RHOQ: variants seen among roughly 807,000 people sequenced by gnomAD.
RHOQ encodes the protein rho-related GTP-binding protein RhoQ.
RHOQ carries 7 observed loss-of-function variants against 25.8 expected under a neutral mutation model. That is an observed-to-expected ratio of 0.27 (90% CI 0.15 to 0.51). The LOEUF (loss-of-function observed/expected upper bound fraction) is 0.51. RHOQ is among the 20% of genes least tolerant of loss of function. The pLI is 0.97. For synonymous variants in RHOQ, 97 were observed against 98.6 expected, an observed-to-expected ratio of 0.98 and a Z score of 0.10; for missense variants, 165 against 260.6, an observed-to-expected ratio of 0.63 and a Z score of 2.53.
Position 46,556,943 on chromosome 2 carries a change from A to T in RHOQ, c.201+13131A>T, listed in dbSNP as rs1368976183. ...CTCGTAAGAGATCAGCCTATAAATG[A>T]GGTTGCCAAAGAGTTAATCTACCAT... On this transcript the variant is annotated intron_variant, in intron 2 of 4. Coordinates refer to ENST00000238738, the MANE Select transcript of RHOQ (RefSeq NM_012249.4). The surrounding 1 kb of genome is among the most constrained non-coding windows in gnomAD (Gnocchi z 4.9). 6.6e-6 allele frequency among the ~76,000 whole-genome samples: 1 copy of T among 152,208 alleles called. No homozygotes were observed. The highest frequency in any genetic ancestry group is 2.4e-5 in the African/African-American group (1 of 41,450).
chr2:46,549,875 T>TG (rs1461209866), intron 2 of RHOQ, among the ~76,000 whole-genome samples: 1 of 152,108 alleles, frequency 6.6e-6, no homozygotes, highest in Non-Finnish European at 1.5e-5. Flanking sequence ...TCTACCATGT[T>TG]GCAGTGCTCA....
At chr2:46,575,965 G>A in intron 2 of RHOQ, 122 bp from the exon 3 acceptor site, 1 of 678,410 alleles carries the variant, frequency 1.5e-6, no homozygotes, top group Non-Finnish European at 2.3e-6. Flanking sequence ...TACTTAGAGT[G>A]CCATACATTC....
At chr2:46,565,742 G>A (rs369688845) in intron 2 of RHOQ, among the ~76,000 whole-genome samples, 28 of 152,224 alleles carry the variant, frequency 1.8e-4, no homozygotes, top group African/African-American at 6.3e-4. Context: ...ATGAGCTACC[G>A]TCATTGATTC....
chr2:46,557,239 T>C (rs758580334), intron 2 of RHOQ, among the ~76,000 whole-genome samples: 1 of 152,222 alleles, frequency 6.6e-6, no homozygotes, highest in Non-Finnish European at 1.5e-5. Context: ...AAACATTCAG[T>C]GTACCCAGAG....
chr2:46,560,581 T>C, intron 2 of RHOQ: 1 of 456,262 alleles, frequency 2.2e-6, no homozygotes, highest in Non-Finnish European at 4.4e-6. Context: ...ATCTGGATCC[T>C]GGGGTCACGT....
chr2:46,553,586 T>C (rs1021813984), intron 2 of RHOQ, among the ~76,000 whole-genome samples: 1 of 148,170 alleles, frequency 6.7e-6, no homozygotes, highest in Admixed American at 6.7e-5. Context: ...TTTTCGAACT[T>C]TTTTTTTTTT....
chr2:46,551,006 G>A (rs968765789), intron 2 of RHOQ, among the ~76,000 whole-genome samples: 2 of 152,170 alleles, frequency 1.3e-5, no homozygotes, highest in African/African-American at 2.4e-5. Flanking sequence ...ATCTAGGCTT[G>A]CAGGAAGAGA....
chr2:46,560,230 A>C (rs570557234), intron 2 of RHOQ, among the ~76,000 whole-genome samples: 1 of 152,300 alleles, frequency 6.6e-6, no homozygotes, highest in Non-Finnish European at 1.5e-5. Flanking sequence ...GGGCCTGTTA[A>C]GTAAGTTCCA....
In RHOQ at chr2:46,581,238, T is replaced by C. The variant is rs536547507; in HGVS notation, c.*155T>C. 25 of 993,888 alleles carry C rather than the reference T, an allele frequency of 2.5e-5. No individual in the cohort carries two copies. The Admixed American group carries it at 4.0e-4, about 16-fold the overall frequency. The allele number at this position is 993,888 out of a possible 1,614,324, so 61.6% of individuals were successfully genotyped here. On this transcript the variant is annotated 3_prime_UTR_variant, in exon 5 of 5. Coordinates refer to ENST00000238738, the MANE Select transcript of RHOQ (RefSeq NM_012249.4). ...AGAATTCTATAAAGTGTATTAAGAA[T>C]GTTCCTTAAAGGTTTAAGAAGCAGT...
chr2:46,561,460 G>A (rs1028360807), intron 2 of RHOQ, among the ~76,000 whole-genome samples: 5 of 152,064 alleles, frequency 3.3e-5, no homozygotes, highest in South Asian at 2.1e-4. Context: ...GTCGTTCATC[G>A]GAGAAGCCAT....
rs1422548639 is a variant in RHOQ, at chr2:46,548,193, C to T, written c.201+4381C>T. Among the ~76,000 whole-genome samples, 1 of 152,190 alleles carries T rather than the reference C, an allele frequency of 6.6e-6. No individual in the cohort carries two copies. The highest frequency in any genetic ancestry group is 1.5e-5 in the Non-Finnish European group (1 of 68,034). The stretch of plus-strand genomic sequence containing the variant: ...CTATAAATATCTTTTACTCTGGTGT[C>T]CCTTGGTGTTGCTTTTTCAATGACA... On this transcript the variant is annotated intron_variant, in intron 2 of 4. Coordinates refer to ENST00000238738, the MANE Select transcript of RHOQ (RefSeq NM_012249.4). The surrounding 1 kb of genome is among the most constrained non-coding windows in gnomAD (Gnocchi z 5.2).
At chr2:46,544,685 A>T (rs1163701567) in intron 2 of RHOQ, among the ~76,000 whole-genome samples, 1 of 152,222 alleles carries the variant, frequency 6.6e-6, no homozygotes, top group Non-Finnish European at 1.5e-5. Context: ...AATTTTGTAG[A>T]ATCCAGCACT....
intron 2 of RHOQ, among the ~76,000 whole-genome samples, chr2:46,558,100 A>G (rs1668460447): frequency 6.6e-6 from 1 of 152,230 alleles, no homozygotes; most frequent in Non-Finnish European, 1.5e-5. Context: ...CCATGCAGCA[A>G]GTCATATCAA....
intron 2 of RHOQ, among the ~76,000 whole-genome samples, chr2:46,554,487 G>A (rs77987497): frequency 6.6e-6 from 1 of 152,184 alleles, no homozygotes; most frequent in Admixed American, 6.5e-5. Context: ...ACAGGGCTCT[G>A]TTCATTGTGG....
At chr2:46,579,263 T>A (rs533069788) in intron 4 of RHOQ, among the ~76,000 whole-genome samples, 12 of 152,338 alleles carry the variant, frequency 7.9e-5, no homozygotes, top group African/African-American at 2.9e-4. Flanking sequence ...CTTTACCTCC[T>A]TGGTCCCTGG....
At chr2:46,568,606 A>T (rs1423078013) in intron 2 of RHOQ, 2 of 152,212 alleles carry the variant, frequency 1.3e-5, no homozygotes, top group Non-Finnish European at 2.9e-5. Flanking sequence ...CTCACTAGTC[A>T]TGCGGGCCTG....
In RHOQ at chr2:46,581,154, C is replaced by G; in HGVS notation, c.*71C>G. The G allele has an allele frequency of 3.9e-6, 5 of 1,275,540 alleles. No homozygotes were observed. Among genetic ancestry groups the G allele is most frequent in the Non-Finnish European group, 5.4e-6 (5 of 929,568 alleles). 79.0% of individuals were successfully genotyped at this position (1,275,540 alleles called of 1,614,324 possible). ...GCAAATGAAATGCTACAGCTATACC[C>G]AGACCTTTTATAGGTAATGAAGCAG... On this transcript the variant is annotated 3_prime_UTR_variant, in exon 5 of 5. Transcript: ENST00000238738.
chr2:46,578,223 C>T (rs925092567), intron 4 of RHOQ, among the ~76,000 whole-genome samples: 7 of 151,980 alleles, frequency 4.6e-5, no homozygotes, highest in East Asian at 1.9e-4. Context: ...TTATAATACC[C>T]GTGTAGTAAA....
intron 2 of RHOQ, among the ~76,000 whole-genome samples, chr2:46,547,333 G>A (rs552272114): frequency 1.3e-5 from 2 of 152,312 alleles, no homozygotes; most frequent in South Asian, 2.1e-4. Context: ...TCATTTGTCC[G>A]ACTGACATAT....
Sources: allele counts gnomAD v4.1 joint callset (sites outside exome capture counted in the v4.1 genomes callset), GRCh38; gene constraint gnomAD v4.1.1; non-coding constraint Gnocchi (gnomAD v3.1); transcripts MANE v1.5; gene names NCBI Gene and HGNC (gene_info 2026-07-23, HGNC 2026-07-21).